Variants in SETD1B observed in about 807,000 individuals in gnomAD.
The protein encoded by SETD1B is histone-lysine N-methyltransferase SETD1B.
In SETD1B, 7 loss-of-function variants were observed where a neutral mutation model predicts 148.0. That is an observed-to-expected ratio of 0.05 (90% CI 0.03 to 0.09). The LOEUF is 0.09. Among genes scored for constraint, SETD1B ranks in the 10% least tolerant of loss-of-function variants. The probability of loss-of-function intolerance (pLI) is 1.00; values close to 1 mark genes in which losing one functional copy is unlikely to be tolerated. For synonymous variants in SETD1B, 1,361 were observed against 1,186.5 expected, an observed-to-expected ratio of 1.15 and a Z score of -3.02; for missense variants, 2,155 against 2,729.9, an observed-to-expected ratio of 0.79 and a Z score of 4.69.
chr12:121,805,427 C>A lies in SETD1B; in HGVS notation c.273+211C>A, dbSNP rs956020247. Reference sequence around the variant, plus strand: ...ACTGGGTGAAACTGTAATCACGGCGCAGATACAGTGTCCTGCACGCCCCGC... The same window carrying A: ...ACTGGGTGAAACTGTAATCACGGCGAAGATACAGTGTCCTGCACGCCCCGC... On this transcript the variant is annotated intron_variant, in intron 3 of 16. Transcript: ENST00000604567. The surrounding 1 kb of genome is among the most constrained non-coding windows in gnomAD (Gnocchi z 4.2). Among the ~76,000 whole-genome samples, 10 of 152,296 alleles carry A rather than the reference C, an allele frequency of 6.6e-5. No homozygotes were observed. The highest frequency in any genetic ancestry group is 1.5e-4 in the Non-Finnish European group (10 of 68,030).
rs1396270010 is a variant in SETD1B at position 121,817,420 on chromosome 12, G to A, written c.3028G>A (p.Ala1010Thr). The change falls in exon 9 of 17, where the codon GCC (alanine) becomes ACC (threonine). Residue 1010 changes from alanine (A) to threonine (T), a missense_variant. Transcript: ENST00000604567. This position sits in a 1 kb window ranked among gnomAD's most constrained non-coding sequence, Gnocchi z 8.1. ...RDMADTPCELAKRDPKGVGVR... is the reference protein window; with the variant it reads ...RDMADTPCELTKRDPKGVGVR... Reference sequence around the variant, plus strand: ...TATGGCAGACACCCCCTGTGAGCTCGCCAAGCGGGACCCCAAGGGCGTGGG... The same window carrying A: ...TATGGCAGACACCCCCTGTGAGCTCACCAAGCGGGACCCCAAGGGCGTGGG... 7 of 1,538,190 alleles carry A rather than the reference G, an allele frequency of 4.6e-6. No homozygotes were observed. The highest frequency in any genetic ancestry group is 2.0e-5 in the Admixed American group (1 of 50,478).
intron 13 of SETD1B, among the ~76,000 whole-genome samples, chr12:121,825,627 AT>A (rs1290677204): frequency 6.6e-6 from 1 of 151,456 alleles, no homozygotes; most frequent in Non-Finnish European, 1.5e-5. Context: ...AAGTTCATTC[AT>A]TTTTTGTTTT....
the SETD1B span, chr12:121,797,354 C>A: frequency 2.3e-6 from 1 of 431,144 alleles, no homozygotes; most frequent in Non-Finnish European, 4.7e-6. Context: ...CCAGCGCCAG[C>A]AGCGGCCCCG....
rs570466622 is a variant in SETD1B, at chr12:121,829,313, G to A, written c.5728-753G>A. Among the ~76,000 whole-genome samples, 12 of 152,308 alleles carry A rather than the reference G, an allele frequency of 7.9e-5. No homozygotes were observed. The East Asian group carries it at 1.9e-3, about 25-fold the overall frequency. On this transcript the variant is annotated intron_variant, in intron 16 of 16. Coordinates refer to ENST00000604567, the MANE Select transcript of SETD1B (RefSeq NM_001353345.2). ...TGAGCAGTGATGGGGGCCTGAGCGT[G>A]GCTGGTGGCCCCAGAAGTGGAGAGC... is the stretch of plus-strand genomic sequence containing the variant.
Position 121,831,183 on chromosome 12 carries a change from C to T in SETD1B, c.*944C>T, listed in dbSNP as rs1877076636. The T allele has an allele frequency of 6.6e-6, 1 of 152,202 alleles. No homozygotes were observed. Among genetic ancestry groups the T allele is most frequent in the Non-Finnish European group, 1.5e-5 (1 of 68,038 alleles). The allele number at this position is 152,202 out of a possible 1,614,324, so 9.4% of individuals were successfully genotyped here. A position where few individuals can be genotyped will look rare whatever the true frequency, so the allele number is the denominator to read the frequency against. ...CCAAGGGCAGGCGGGTCCCCCAGTC[C>T]CGCCATTACGGGTTGTCAGACCGTC... On this transcript the variant is annotated 3_prime_UTR_variant, in exon 17 of 17. Transcript: ENST00000604567.
chr12:121,820,194 A>G (rs1876502056), intron 11 of SETD1B, among the ~76,000 whole-genome samples: 1 of 152,160 alleles, frequency 6.6e-6, no homozygotes, highest in Non-Finnish European at 1.5e-5. Context: ...TGCTCCCCAA[A>G]AGGAGGATGG....
Position 121,804,732 on chromosome 12 carries a change from A to G in SETD1B, c.-6A>G, listed in dbSNP as rs1875633952. On this transcript the variant is annotated 5_prime_UTR_variant, in exon 2 of 17. An upstream open reading frame in the 5' UTR loses its in-frame stop. Coordinates refer to ENST00000604567, the MANE Select transcript of SETD1B (RefSeq NM_001353345.2). The surrounding 1 kb of genome is among the most constrained non-coding windows in gnomAD (Gnocchi z 4.6). ...AACTTGCTGGTTTTCAGGTTGGGTT[A>G]ACGGCATGGAGAACAGTCACCCCCC... is the stretch of plus-strand genomic sequence containing the variant. The G allele has an allele frequency of 1.3e-6, 2 of 1,549,134 alleles. No individual in the cohort carries two copies. The highest frequency in any genetic ancestry group is 1.7e-6 in the Non-Finnish European group (2 of 1,146,540).
intron 4 of SETD1B, among the ~76,000 whole-genome samples, chr12:121,806,695 GGC>G (rs1875761209): frequency 6.6e-6 from 1 of 152,132 alleles, no homozygotes; most frequent in Admixed American, 6.5e-5. Flanking sequence ...GAGCCAGGCA[GGC>G]GGCTCTGGGT....
intron 7 of SETD1B, among the ~76,000 whole-genome samples, chr12:121,815,548 C>T (rs538652655): frequency 7.2e-5 from 11 of 152,156 alleles, no homozygotes; most frequent in Non-Finnish European, 1.3e-4. Flanking sequence ...CTCGCTGTAT[C>T]GTCCAGGCTG....
chr12:121,820,596 C>T (rs1164853450), intron 11 of SETD1B, among the ~76,000 whole-genome samples: 8 of 152,120 alleles, frequency 5.3e-5, no homozygotes, highest in African/African-American at 1.7e-4. Context: ...TGCAGTGGCA[C>T]GATCTCGGCT....
chr12:121,827,469 C>T (rs1469575169), intron 13 of SETD1B, 50 bp from the exon 14 acceptor site: 9 of 1,482,710 alleles, frequency 6.1e-6, no homozygotes, highest in African/African-American at 4.2e-5. Context: ...AGGGTGGGAC[C>T]GCCGAGGACA....
At position 121,817,144 on chromosome 12, in the gene SETD1B, G is replaced by A; in HGVS notation, c.2827G>A (p.Gly943Ser). 6.5e-7 allele frequency: 1 copy of A among 1,548,950 alleles called. No individual in the cohort carries two copies. The highest frequency in any genetic ancestry group is 1.2e-5 in the South Asian group (1 of 84,050). Residue 943 changes from glycine (G) to serine (S), a missense_variant, in exon 8 of 17, where the codon GGC becomes AGC. Gly to Ser is a moderately conservative substitution (Grantham distance 56, BLOSUM62 0). Transcript: ENST00000604567. The surrounding 1 kb of genome is among the most constrained non-coding windows in gnomAD (Gnocchi z 8.1). Reference sequence around the variant, plus strand: ...GTCATGGGGCAAGGGCGAGGGCCTGGGCTACGAGGGCCTGGGCCTGGGCAT... The same window carrying A: ...GTCATGGGGCAAGGGCGAGGGCCTGAGCTACGAGGGCCTGGGCCTGGGCAT... ...LESWGKGEGLGYEGLGLGIGL... is the reference protein window; with the variant it reads ...LESWGKGEGLSYEGLGLGIGL...
intron 11 of SETD1B, among the ~76,000 whole-genome samples, chr12:121,820,628 G>A (rs568951671): frequency 7.9e-5 from 12 of 152,154 alleles, no homozygotes; most frequent in Admixed American, 5.9e-4. Context: ...CCGCCTCCCA[G>A]GTTCACGCCA....
In SETD1B at chr12:121,808,862, CT is replaced by C. The variant is rs1040956499; in HGVS notation, c.657+551del. On this transcript the variant is annotated intron_variant, in intron 5 of 16. Coordinates refer to ENST00000604567, the MANE Select transcript of SETD1B (RefSeq NM_001353345.2). The surrounding 1 kb of genome is among the most constrained non-coding windows in gnomAD (Gnocchi z 5.3). ...CTAGCTGCCACTGGCCTGTTCATCA[CT>C]TTTTTTTTGTTTTATTTATTTTTTT... 6.6e-6 allele frequency among the ~76,000 whole-genome samples: 1 copy of C among 151,680 alleles called. No individual in the cohort carries two copies. The highest frequency in any genetic ancestry group is 1.5e-5 in the Non-Finnish European group (1 of 67,878).
chr12:121,812,666 C>G (rs1592979389), intron 6 of SETD1B, among the ~76,000 whole-genome samples: 2 of 152,084 alleles, frequency 1.3e-5, no homozygotes, highest in Non-Finnish European at 2.9e-5. Flanking sequence ...CGGCTCTGTC[C>G]AGGACTGATC....
the SETD1B span, among the ~76,000 whole-genome samples, chr12:121,798,170 G>C: frequency 6.6e-6 from 1 of 152,244 alleles, no homozygotes; most frequent in African/African-American, 2.4e-5. Flanking sequence ...ACCCCATCCT[G>C]GCTCTATTGG....
upstream of SETD1B, chr12:121,799,075 G>C (rs948785864): frequency 4.6e-5 from 7 of 152,246 alleles, no homozygotes; most frequent in Non-Finnish European, 8.8e-5. Context: ...CACTGAATCA[G>C]ACACTTGGGC....
In SETD1B at chr12:121,819,773, C is replaced by G. The variant is rs377386338; in HGVS notation, c.3788C>G (p.Ala1263Gly). 1 of 1,551,532 alleles carries G rather than the reference C, an allele frequency of 6.4e-7. No homozygotes were observed. Among genetic ancestry groups the G allele is most frequent in the East Asian group, 2.4e-5 (1 of 40,906 alleles). ...PPLPVGVEEP[A>G]DSREPPEEPG... ...TTGCCTGTGGGTGTTGAAGAGCCAG[C>G]GGACTCCAGGGAGCCGCCTGAGGAA... The change falls in exon 11 of 17, where the codon GCG becomes GGG. Residue 1263 changes from alanine (A) to glycine (G), a missense_variant. Physicochemically the swap from Ala to Gly is moderately conservative, Grantham distance 60. Coordinates refer to ENST00000604567, the MANE Select transcript of SETD1B (RefSeq NM_001353345.2).
chr12:121,793,383 C>T, the SETD1B span: 5 of 1,463,818 alleles, frequency 3.4e-6, no homozygotes, highest in South Asian at 3.7e-5. Flanking sequence ...GGGGGCGCCC[C>T]GGGGTGGCGG....
Sources: gnomAD v4.1 joint callset for allele counts (sites outside exome capture counted in the v4.1 genomes callset) on GRCh38, gnomAD v4.1.1 for gene constraint, Gnocchi (gnomAD v3.1) non-coding constraint, MANE v1.5 for transcripts, NCBI Gene and HGNC (gene_info 2026-07-23, HGNC 2026-07-21) for gene names.